PTPRO: variants seen among roughly 807,000 people sequenced by gnomAD.
PTPRO encodes the protein protein tyrosine phosphatase receptor type O.
In PTPRO, 62 loss-of-function variants were observed where a neutral mutation model predicts 145.2. That is an observed-to-expected ratio of 0.43 (90% CI 0.35 to 0.53). The LOEUF (loss-of-function observed/expected upper bound fraction) is 0.53, where lower values mean the gene tolerates loss of function less well. PTPRO is among the 20% of genes least tolerant of loss of function. PTPRO has a pLI of 0.01. For missense variants in PTPRO, 1,345 were observed against 1,482.7 expected (o/e 0.91, Z 1.53); for synonymous variants, 565 against 514.7 (o/e 1.10, Z -1.32).
intron 1 of PTPRO, among the ~76,000 whole-genome samples, chr12:15,429,260 T>C (rs1281051533): frequency 6.6e-6 from 1 of 152,018 alleles, no homozygotes; most frequent in Non-Finnish European, 1.5e-5. Flanking sequence ...GCTAATGGAG[T>C]TTTAGGCTAA....
chr12:15,343,713 A>T (rs1867090492), intron 1 of PTPRO, among the ~76,000 whole-genome samples: 1 of 152,166 alleles, frequency 6.6e-6, no homozygotes, highest in African/African-American at 2.4e-5. Flanking sequence ...ATATTTTTTG[A>T]GACAGAGTCT....
At chr12:15,529,242 G>A (rs1317235158) in intron 12 of PTPRO, among the ~76,000 whole-genome samples, 1 of 152,126 alleles carries the variant, frequency 6.6e-6, no homozygotes, top group African/African-American at 2.4e-5. Context: ...GTAAATTGAG[G>A]CAACAAAGTC....
intron 14 of PTPRO, among the ~76,000 whole-genome samples, chr12:15,551,284 G>A (rs1169078286): frequency 1.3e-5 from 2 of 152,134 alleles, no homozygotes; most frequent in Non-Finnish European, 2.9e-5. Flanking sequence ...TCATTCTTTA[G>A]TTTCCCTATG....
At position 15,343,930 on chromosome 12, in the gene PTPRO, C is replaced by T. The variant is rs571654173; in HGVS notation, c.75+21129C>T. ...CGATCTCCTGACCTCGTGATCCGCC[C>T]GCCTCGGCCTCCCAAAGTGCTGGGA... On this transcript the variant is annotated intron_variant, in intron 1 of 26. Coordinates refer to ENST00000281171, the MANE Select transcript of PTPRO (RefSeq NM_030667.3). Among the ~76,000 whole-genome samples the T allele has an allele frequency of 1.8e-4, 27 of 152,274 alleles. No homozygotes were observed. In the East Asian group the frequency reaches 5.0e-3, roughly 28 times the overall value.
chr12:15,565,441 T>C lies in PTPRO; in HGVS notation c.2712-152T>C, dbSNP rs34225706. On this transcript the variant is annotated intron_variant, in intron 17 of 26. Transcript: ENST00000281171. ...CTGAAATTATTATTATCTTCTCATGTAAGGAAAAGTAAACAAACCTGATAT... is the reference window on the plus strand; with the variant it reads ...CTGAAATTATTATTATCTTCTCATGCAAGGAAAAGTAAACAAACCTGATAT... The C allele has an allele frequency of 9.8e-4, 542 of 553,228 alleles. 1 individual carries two copies. The highest frequency in any genetic ancestry group is 1.5e-3 in the Non-Finnish European group (456 of 303,470). 34.3% of individuals were successfully genotyped at this position (553,228 alleles called of 1,614,324 possible).
At chr12:15,336,599 C>G (rs752097643) in intron 1 of PTPRO, among the ~76,000 whole-genome samples, 1 of 152,026 alleles carries the variant, frequency 6.6e-6, no homozygotes, top group Non-Finnish European at 1.5e-5. Context: ...GCATAAGGAA[C>G]TTAAGAATAA....
chr12:15,583,586 A>G (rs1944369263), intron 23 of PTPRO, among the ~76,000 whole-genome samples: 1 of 152,128 alleles, frequency 6.6e-6, no homozygotes, highest in Non-Finnish European at 1.5e-5. Context: ...CATATATAAC[A>G]TTTTATTAGA....
intron 1 of PTPRO, among the ~76,000 whole-genome samples, chr12:15,483,637 AGT>A (rs1326858239): frequency 6.6e-6 from 1 of 152,132 alleles, no homozygotes; most frequent in Non-Finnish European, 1.5e-5. Flanking sequence ...CTAGAACTTG[AGT>A]GTCAAAATGA....
At chr12:15,557,829 CT>C (rs1301064250) in intron 16 of PTPRO, among the ~76,000 whole-genome samples, 1 of 152,294 alleles carries the variant, frequency 6.6e-6, no homozygotes, top group East Asian at 1.9e-4. Flanking sequence ...AGGAGCGCCG[CT>C]GAACAAGTGG....
At chr12:15,369,089 G>A (rs946868510) in intron 1 of PTPRO, among the ~76,000 whole-genome samples, 1 of 152,144 alleles carries the variant, frequency 6.6e-6, no homozygotes, top group Non-Finnish European at 1.5e-5. Context: ...GAGGGTGTGA[G>A]GGAGACTGCT....
intron 1 of PTPRO, among the ~76,000 whole-genome samples, chr12:15,463,366 G>T (rs1161997836): frequency 6.6e-6 from 1 of 152,050 alleles, no homozygotes; most frequent in Non-Finnish European, 1.5e-5. Flanking sequence ...GAAGATTAAA[G>T]CTCTATTAGT....
chr12:15,537,963 C>T (rs1306687568), intron 12 of PTPRO, among the ~76,000 whole-genome samples: 1 of 152,156 alleles, frequency 6.6e-6, no homozygotes, highest in Non-Finnish European at 1.5e-5. Context: ...TGATTGACTT[C>T]TTGTAAGATA....
chr12:15,456,854 T>A (rs2136389101), intron 1 of PTPRO, among the ~76,000 whole-genome samples: 1 of 152,292 alleles, frequency 6.6e-6, no homozygotes, highest in South Asian at 2.1e-4. Flanking sequence ...TTTTCCACAG[T>A]TATACTATTG....
At chr12:15,438,651 C>T (rs1325164269) in intron 1 of PTPRO, among the ~76,000 whole-genome samples, 1 of 151,334 alleles carries the variant, frequency 6.6e-6, no homozygotes, top group Admixed American at 6.6e-5. Flanking sequence ...CCCAATATGG[C>T]AAAAATAAAT....
chr12:15,583,414 G>T (rs1944362499), intron 23 of PTPRO, among the ~76,000 whole-genome samples: 1 of 151,892 alleles, frequency 6.6e-6, no homozygotes. Context: ...CGTAGGTGGA[G>T]GTTGCAGTGA....
At chr12:15,589,385 A>T in intron 24 of PTPRO, 70 bp from the exon 25 acceptor site, 1 of 1,606,846 alleles carries the variant, frequency 6.2e-7, no homozygotes, top group Non-Finnish European at 8.5e-7. Context: ...CAAAGAAAAA[A>T]AAAAAAAGAG....
At chr12:15,364,144 A>C (rs2136247653) in intron 1 of PTPRO, among the ~76,000 whole-genome samples, 1 of 152,320 alleles carries the variant, frequency 6.6e-6, no homozygotes, top group South Asian at 2.1e-4. Context: ...GTCTAGGAAT[A>C]TGATGTATAA....
intron 1 of PTPRO, among the ~76,000 whole-genome samples, chr12:15,407,311 C>T (rs542696223): frequency 9.9e-4 from 151 of 152,300 alleles, no homozygotes; most frequent in African/African-American, 3.6e-3. Context: ...TATCTGAAGG[C>T]TCATTGAAAT....
At chr12:15,530,838 C>G (rs1159273723) in intron 12 of PTPRO, among the ~76,000 whole-genome samples, 1 of 151,860 alleles carries the variant, frequency 6.6e-6, no homozygotes, top group African/African-American at 2.4e-5. Context: ...AAAAGCAAAC[C>G]AAACACTAAA....
Sources: allele counts gnomAD v4.1 joint callset (sites outside exome capture counted in the v4.1 genomes callset), GRCh38; gene constraint gnomAD v4.1.1; transcripts MANE v1.5; gene names NCBI Gene and HGNC (gene_info 2026-07-23, HGNC 2026-07-21).